Variants in CACNA2D3 observed in about 807,000 individuals in gnomAD.
The protein encoded by CACNA2D3 is voltage-dependent calcium channel subunit alpha-2/delta-3.
CACNA2D3 carries 60 observed loss-of-function variants against 160.6 expected under a neutral mutation model. That is an observed-to-expected ratio of 0.37 (90% CI 0.30 to 0.46). The LOEUF (loss-of-function observed/expected upper bound fraction) is 0.46. CACNA2D3 is among the 20% of genes least tolerant of loss of function. The probability of loss-of-function intolerance (pLI) is 1.00; values close to 1 mark genes in which losing one functional copy is unlikely to be tolerated. For missense variants in CACNA2D3, 1,205 were observed against 1,365.0 expected (o/e 0.88, Z 1.85); for synonymous variants, 558 against 492.9 (o/e 1.13, Z -1.75).
chr3:54,631,434 C>T (rs1444981621), intron 10 of CACNA2D3, among the ~76,000 whole-genome samples: 1 of 152,106 alleles, frequency 6.6e-6, no homozygotes, highest in Non-Finnish European at 1.5e-5. Context: ...TTAATATTTT[C>T]TACTTCATCA....
chr3:54,911,108 C>T (rs1258571778), intron 27 of CACNA2D3, among the ~76,000 whole-genome samples: 2 of 152,082 alleles, frequency 1.3e-5, no homozygotes, highest in Non-Finnish European at 2.9e-5. Flanking sequence ...TTCATAAATA[C>T]GTCAGCCTAC....
At chr3:54,963,458 G>T (rs566007353) in intron 27 of CACNA2D3, among the ~76,000 whole-genome samples, 7 of 152,258 alleles carry the variant, frequency 4.6e-5, no homozygotes, top group East Asian at 1.9e-4. Context: ...CTGTGGCTAC[G>T]GAGCACTTGA....
chr3:54,406,299 G>A (rs1699575337), intron 4 of CACNA2D3, among the ~76,000 whole-genome samples: 1 of 152,042 alleles, frequency 6.6e-6, no homozygotes, highest in African/African-American at 2.4e-5. Flanking sequence ...CAACCTAGGT[G>A]CCCATCAGTG....
intron 27 of CACNA2D3, among the ~76,000 whole-genome samples, chr3:54,944,919 A>G (rs1045598834): frequency 6.6e-6 from 1 of 151,956 alleles, no homozygotes; most frequent in African/African-American, 2.4e-5. Context: ...GCTCTCCCCA[A>G]ATATCTGTAG....
intron 3 of CACNA2D3, among the ~76,000 whole-genome samples, chr3:54,348,971 T>TCCTG (rs1170235092): frequency 2.0e-5 from 3 of 152,102 alleles, no homozygotes; most frequent in Admixed American, 1.3e-4. Flanking sequence ...TAAGTTATCC[T>TCCTG]CCTGCCTCAG....
intron 9 of CACNA2D3, among the ~76,000 whole-genome samples, chr3:54,609,186 C>T (rs1698696768): frequency 6.6e-6 from 1 of 152,176 alleles, no homozygotes; most frequent in African/African-American, 2.4e-5. Flanking sequence ...ATCAGTGATA[C>T]ACATGCACAG....
intron 31 of CACNA2D3, among the ~76,000 whole-genome samples, chr3:54,992,515 G>A (rs576337444): frequency 3.9e-5 from 6 of 152,028 alleles, no homozygotes; most frequent in African/African-American, 1.2e-4. Flanking sequence ...AGCTCCTGGC[G>A]GTCCTCTCTG....
In CACNA2D3 at chr3:54,252,100, G is replaced by GTTT. The variant is rs548233026; in HGVS notation, c.205-68330_205-68328dup. Reference sequence around the variant, plus strand: ...TCCAATTTCTCTTTTTGCAGAGCTAGTTTTTTTTTTTTTTGTACGATACTC... The same window carrying GTTT: ...TCCAATTTCTCTTTTTGCAGAGCTAGTTTTTTTTTTTTTTTTTGTACGATACTC... On this transcript the variant is annotated intron_variant, in intron 2 of 37. Coordinates refer to ENST00000474759, the MANE Select transcript of CACNA2D3 (RefSeq NM_018398.3). Among the ~76,000 whole-genome samples, 105 of 120,970 alleles carry GTTT rather than the reference G, an allele frequency of 8.7e-4. 8 individuals carry two copies. Among genetic ancestry groups the GTTT allele is most frequent in the Middle Eastern group, 4.4e-3 (1 of 226 alleles). The allele number at this position is 120,970 out of a possible 152,430, so 79.4% of individuals were successfully genotyped here.
At chr3:54,850,205 G>A (rs1268722955) in intron 17 of CACNA2D3, among the ~76,000 whole-genome samples, 1 of 152,156 alleles carries the variant, frequency 6.6e-6, no homozygotes, top group African/African-American at 2.4e-5. Flanking sequence ...TTGCCCTTGT[G>A]CCTGGTGTGG....
At chr3:54,803,509 A>G (rs1259767077) in intron 13 of CACNA2D3, among the ~76,000 whole-genome samples, 1 of 152,230 alleles carries the variant, frequency 6.6e-6, no homozygotes, top group Admixed American at 6.5e-5. Flanking sequence ...TAGAGAAAAA[A>G]GAATAAAAAG....
At chr3:54,857,613 A>G (rs145902769) in intron 17 of CACNA2D3, among the ~76,000 whole-genome samples, 78 of 152,324 alleles carry the variant, frequency 5.1e-4, no homozygotes, top group African/African-American at 1.6e-3. Flanking sequence ...TCACTTTGCC[A>G]TGTCCCTGCG....
At chr3:54,172,880 A>G (rs73844324) in intron 2 of CACNA2D3, among the ~76,000 whole-genome samples, 3,570 of 152,324 alleles carry the variant, frequency 0.023, 138 homozygotes, top group African/African-American at 0.08. Context: ...AGCCAGGAAG[A>G]CCAACACTTA....
intron 9 of CACNA2D3, among the ~76,000 whole-genome samples, chr3:54,621,196 A>G (rs943008552): frequency 1.3e-5 from 2 of 152,240 alleles, no homozygotes; most frequent in Admixed American, 6.5e-5. Context: ...CTTAACAGGA[A>G]GGACTCAAAC....
rs542345470 is a variant in CACNA2D3 at position 54,968,254 on chromosome 3, G to A, written c.2450-196G>A. On this transcript the variant is annotated intron_variant, in intron 27 of 37. Coordinates refer to ENST00000474759, the MANE Select transcript of CACNA2D3 (RefSeq NM_018398.3). The stretch of plus-strand genomic sequence containing the variant: ...TGCACTGTGCTGTTTGTTTTGTATC[G>A]AGAGTTCTGTGAGTGCAGGTAAACT... Among the ~76,000 whole-genome samples, 267 of 152,258 alleles carry A rather than the reference G, an allele frequency of 1.8e-3. 2 individuals are homozygous for A. Among genetic ancestry groups the A allele is most frequent in the African/African-American group, 6.3e-3 (261 of 41,536 alleles).
intron 27 of CACNA2D3, among the ~76,000 whole-genome samples, chr3:54,915,019 G>A (rs901622172): frequency 1.1e-4 from 16 of 152,192 alleles, no homozygotes; most frequent in Non-Finnish European, 1.9e-4. Flanking sequence ...TGTTTCAGGG[G>A]TACTTGGTTA....
chr3:54,189,218 C>T (rs777220162), intron 2 of CACNA2D3, among the ~76,000 whole-genome samples: 37 of 152,120 alleles, frequency 2.4e-4, no homozygotes, highest in African/African-American at 6.8e-4. Context: ...TAGTTCCTAG[C>T]GGGACCCAGT....
At chr3:54,471,450 G>A (rs2106874385) in intron 4 of CACNA2D3, among the ~76,000 whole-genome samples, 1 of 152,212 alleles carries the variant, frequency 6.6e-6, no homozygotes, top group Non-Finnish European at 1.5e-5. Flanking sequence ...GAGAAAGCAG[G>A]AAAGACCTAA....
At chr3:54,128,923 C>T (rs1046397956) in intron 2 of CACNA2D3, among the ~76,000 whole-genome samples, 3 of 152,156 alleles carry the variant, frequency 2.0e-5, no homozygotes, top group South Asian at 2.1e-4. Context: ...GGTTTCATCT[C>T]GAGTGACTGC....
intron 4 of CACNA2D3, among the ~76,000 whole-genome samples, chr3:54,449,326 G>A (rs1284199252): frequency 6.6e-6 from 1 of 152,216 alleles, no homozygotes; most frequent in Non-Finnish European, 1.5e-5. Context: ...TTATCTCTAT[G>A]TGTAGCTGAA....
Sources: allele counts gnomAD v4.1 joint callset (sites outside exome capture counted in the v4.1 genomes callset), GRCh38; gene constraint gnomAD v4.1.1; transcripts MANE v1.5; gene names NCBI Gene and HGNC (gene_info 2026-07-23, HGNC 2026-07-21).